CTSF: variants seen among roughly 807,000 people sequenced by gnomAD.
The protein encoded by CTSF is cathepsin F.
CTSF carries 65 observed loss-of-function variants against 63.5 expected under a neutral mutation model. The ratio of observed to expected loss-of-function variants is 1.02; its 90% CI spans 0.84 to 1.26. The LOEUF is 1.26. CTSF is among the 50% of genes most tolerant of loss of function. The probability of loss-of-function intolerance (pLI) is 0.00; values close to 1 mark genes in which losing one functional copy is unlikely to be tolerated. For synonymous variants in CTSF, 256 were observed against 258.1 expected (o/e 0.99, Z 0.08); for missense variants, 641 against 631.0 (o/e 1.02, Z -0.17).
Position 66,565,836 on chromosome 11 carries a change from T to C in CTSF, c.959A>G (p.Glu320Gly). 1 of 1,613,952 alleles carries C rather than the reference T, an allele frequency of 6.2e-7. No individual in the cohort carries two copies. Among genetic ancestry groups the C allele is most frequent in the Non-Finnish European group, 8.5e-7 (1 of 1,180,020 alleles). The change falls in exon 7 of 13, where the codon GAA becomes GGA. Residue 320 changes from glutamate to glycine, a missense_variant. Coordinates refer to ENST00000310325, the MANE Select transcript of CTSF (RefSeq NM_003793.4). Reference sequence around the variant, plus strand: ...GAGTAGAGCGAGATGCTCACCCTGTTCAGAGAGGGAGAGCAGGGTCCCCTG... The same window carrying C: ...GAGTAGAGCGAGATGCTCACCCTGTCCAGAGAGGGAGAGCAGGGTCCCCTG... ...LNQGTLLSLS[E>G]QELLDCDKMD...
rs370663814 is a variant in CTSF, at chr11:66,567,993, C to G, written c.303G>C (p.Lys101Asn). ...GAGCCTCATCACTCACCAGGGTTTTCTTGGACACGGGGAGCCGGCACACCA... is the reference window on the plus strand; with the variant it reads ...GAGCCTCATCACTCACCAGGGTTTTGTTGGACACGGGGAGCCGGCACACCA... ...DPMVCRLPVS[K>N]KTLLCSFQVL... Residue 101 changes from lysine (K) to asparagine (N), a missense_variant, in exon 2 of 13, where the codon AAG becomes AAC. Transcript: ENST00000310325. 7.5e-6 allele frequency: 12 copies of G among 1,592,356 alleles called. No homozygotes were observed. In the African/African-American group the frequency reaches 9.5e-5, roughly 13 times the overall value.
chr11:66,565,174 G>A (rs1176938661), intron 8 of CTSF, among the ~76,000 whole-genome samples, 168 bp from the exon 9 acceptor site: 2 of 152,184 alleles, frequency 1.3e-5, no homozygotes, highest in Non-Finnish European at 2.9e-5. Context: ...ATCTGAGGCT[G>A]GGAGAGATGG....
chr11:66,567,984 C>T lies in CTSF; in HGVS notation c.312G>A (p.Leu104=), dbSNP rs1857971151. ...VCRLPVSKKT[L]LCSFQVLDEL... ...GAACCCCAAGAGCCTCATCACTCACCAGGGTTTTCTTGGACACGGGGAGCC... is the reference window on the plus strand; with the variant it reads ...GAACCCCAAGAGCCTCATCACTCACTAGGGTTTTCTTGGACACGGGGAGCC... Residue 104 remains leucine, a splice_region_variant and synonymous_variant, in exon 2 of 13, where the codon CTG becomes CTA. Coordinates refer to ENST00000310325, the MANE Select transcript of CTSF (RefSeq NM_003793.4). 1 of 1,589,094 alleles carries T rather than the reference C, an allele frequency of 6.3e-7. No homozygotes were observed. Among genetic ancestry groups the T allele is most frequent in the Non-Finnish European group, 8.5e-7 (1 of 1,169,964 alleles).
At chr11:66,565,130 C>T in intron 8 of CTSF, 124 bp from the exon 9 acceptor site, 1 of 1,444,316 alleles carries the variant, frequency 6.9e-7, no homozygotes, top group Non-Finnish European at 9.2e-7. Flanking sequence ...CAGGCCATCC[C>T]CTCTGAAGAA....
chr11:66,564,681 C>T (rs1438820695), intron 10 of CTSF, 33 bp from the exon 11 acceptor site: 4 of 1,612,818 alleles, frequency 2.5e-6, no homozygotes, highest in Non-Finnish European at 2.5e-6. Flanking sequence ...GGATCGACTC[C>T]AAGAAGAGGT....
chr11:66,567,164 C>A (rs754271328), intron 4 of CTSF, 82 bp downstream of exon 4: 45 of 1,400,756 alleles, frequency 3.2e-5, no homozygotes, highest in Non-Finnish European at 4.6e-5. Flanking sequence ...TCTTGTCTTT[C>A]TCCTCCCACA....
At position 66,566,424 on chromosome 11, in the gene CTSF, AGAG is replaced by A. The variant is rs761509648; in HGVS notation, c.608-23_608-21del. On this transcript the variant is annotated intron_variant, in intron 4 of 12. Transcript: ENST00000310325. The stretch of plus-strand genomic sequence containing the variant: ...GGGCTTCTGAGGACCAAGGAGCAGA[AGAG>A]GAGGGGTTCGACCCCAGGCAGATAA... 6.2e-7 allele frequency: 1 copy of A among 1,612,304 alleles called. No individual in the cohort carries two copies. The highest frequency in any genetic ancestry group is 8.5e-7 in the Non-Finnish European group (1 of 1,179,100).
chr11:66,568,558 A>T lies in CTSF; in HGVS notation c.-72T>A. 1 of 1,442,028 alleles carries T rather than the reference A, an allele frequency of 6.9e-7. No homozygotes were observed. Among genetic ancestry groups the T allele is most frequent in the Non-Finnish European group, 9.1e-7 (1 of 1,101,954 alleles). 89.3% of individuals were successfully genotyped at this position (1,442,028 alleles called of 1,614,324 possible). A position where few individuals can be genotyped will look rare whatever the true frequency, so the allele number is the denominator to read the frequency against. ...CCCACCGGGTACCGAGCCCGCGGCC[A>T]GCGGGGCCTGAGTCCTCCCTCCAGC... On this transcript the variant is annotated 5_prime_UTR_variant, in exon 1 of 13. Coordinates refer to ENST00000310325, the MANE Select transcript of CTSF (RefSeq NM_003793.4).
In CTSF at chr11:66,564,557, C is replaced by T. The variant is rs534376817; in HGVS notation, c.1321+1G>A. ...GATGCAGGACAGGCAGCGGAACTCA[C>T]GGTTGCCGTAGCCCACAAGCAACAC... On this transcript the variant is annotated splice_donor_variant, in intron 11 of 12. Transcript: ENST00000310325. LOFTEE classifies it high-confidence loss of function. 1.9e-5 allele frequency: 29 copies of T among 1,551,146 alleles called. No homozygotes were observed. Among genetic ancestry groups the T allele is most frequent in the Non-Finnish European group, 2.2e-5 (25 of 1,147,434 alleles).
Position 66,568,099 on chromosome 11 carries a change from G to T in CTSF, c.214-17C>A. 6.2e-7 allele frequency: 1 copy of T among 1,604,270 alleles called. No homozygotes were observed. Among genetic ancestry groups the T allele is most frequent in the Non-Finnish European group, 8.5e-7 (1 of 1,176,742 alleles). On this transcript the variant is annotated splice_polypyrimidine_tract_variant and intron_variant, in intron 1 of 12. Transcript: ENST00000310325. ...CTGACCCGCCTGGAGAGAGGAGTAG[G>T]TGAGGCGGGCACAGTCGGCCCTTGA...
chr11:66,564,422 C>G, intron 11 of CTSF, 136 bp downstream of exon 11: 1 of 864,392 alleles, frequency 1.2e-6, no homozygotes, highest in Non-Finnish European at 1.7e-6. Flanking sequence ...TGATGCCCAG[C>G]TGGTCATGGC....
Position 66,564,478 on chromosome 11 carries a change from C to T in CTSF, c.1321+80G>A. The T allele has an allele frequency of 2.4e-6, 3 of 1,269,280 alleles. 1 individual carries two copies. The South Asian group carries it at 4.5e-5, about 19-fold the overall frequency. The allele number at this position is 1,269,280 out of a possible 1,614,324, so 78.6% of individuals were successfully genotyped here. The stretch of plus-strand genomic sequence containing the variant: ...GGGTTCCTAGGCATTCCCCCTATTT[C>T]CCCTCTAGAGGACCTGAGATGCTGT... On this transcript the variant is annotated intron_variant, in intron 11 of 12. Transcript: ENST00000310325.
At chr11:66,565,416 A>G (rs539641977) in intron 8 of CTSF, among the ~76,000 whole-genome samples, 1 of 152,204 alleles carries the variant, frequency 6.6e-6, no homozygotes, top group Admixed American at 6.5e-5. Flanking sequence ...AATGTCTTTA[A>G]TTTTTTGTAG....
At position 66,567,558 on chromosome 11, in the gene CTSF, T is replaced by C. The variant is rs760282320; in HGVS notation, c.417A>G (p.Ser139=). The change falls in exon 3 of 13, where the codon TCA becomes TCG. Residue 139 remains serine, a synonymous_variant. Transcript: ENST00000310325. Reference sequence around the variant, plus strand: ...TCATGGCTGAGCCCTGAGTGAAGGCTGACTTGGGCTCCCCAGCACCTGGAA... The same window carrying C: ...TCATGGCTGAGCCCTGAGTGAAGGCCGACTTGGGCTCCCCAGCACCTGGAA... The part of the protein sequence containing the change: ...TKVPGAGEPK[S]AFTQGSAMIS... 1.2e-6 allele frequency: 2 copies of C among 1,614,230 alleles called. No individual in the cohort carries two copies. Among genetic ancestry groups the C allele is most frequent in the Non-Finnish European group, 1.7e-6 (2 of 1,180,036 alleles).
intron 2 of CTSF, 98 bp downstream of exon 2, chr11:66,567,886 G>A (rs1433725779): frequency 1.4e-6 from 2 of 1,463,614 alleles, no homozygotes; most frequent in Non-Finnish European, 1.8e-6. Context: ...TGGGGCAGCA[G>A]CTACCTCAGA....
intron 11 of CTSF, 42 bp from the exon 12 acceptor site, chr11:66,564,188 C>T: frequency 6.3e-7 from 1 of 1,585,984 alleles, no homozygotes; most frequent in Non-Finnish European, 8.6e-7. Context: ...GTCCTTAATT[C>T]TCCAGGCAGA....
chr11:66,568,127 GCGCCCAA>G, intron 1 of CTSF, 45 bp from the exon 2 acceptor site: 1 of 1,590,102 alleles, frequency 6.3e-7, no homozygotes, highest in African/African-American at 1.4e-5. Flanking sequence ...GCCCTTGACG[GCGCCCAA>G]GGCCCCGCCC....
At position 66,563,960 on chromosome 11, in the gene CTSF, G is replaced by A. The variant is rs778318137; in HGVS notation, c.1428C>T (p.Thr476=). 6.2e-7 allele frequency: 1 copy of A among 1,613,534 alleles called. No homozygotes were observed. Among genetic ancestry groups the A allele is most frequent in the Non-Finnish European group, 8.5e-7 (1 of 1,180,034 alleles). Residue 476 remains threonine, a synonymous_variant, in exon 13 of 13, where the codon ACC becomes ACT. Transcript: ENST00000310325. The part of the protein sequence containing the change: ...HRGSGACGVN[T]MASSAVVD ...AGTCCACCACCGCCGAGCTGGCCAT[G>A]GTGTTCACGCCACAGGCCCCGGACC...
chr11:66,565,586 C>T (rs1857909622), intron 8 of CTSF, 85 bp downstream of exon 8: 11 of 1,568,664 alleles, frequency 7.0e-6, no homozygotes, highest in Non-Finnish European at 9.6e-6. Flanking sequence ...AACTCTCATG[C>T]TCATGTCTCC....
Sources: allele counts gnomAD v4.1 joint callset (sites outside exome capture counted in the v4.1 genomes callset), GRCh38; gene constraint gnomAD v4.1.1; transcripts MANE v1.5; gene names NCBI Gene and HGNC (gene_info 2026-07-23, HGNC 2026-07-21).